The following KIAA1217 variants were observed in gnomAD, a reference collection of about 807,000 sequenced individuals.
The protein encoded by KIAA1217 is KIAA1217, also known as sickle tail protein homolog.
In KIAA1217, 88 loss-of-function variants were observed where a neutral mutation model predicts 163.9. That is an observed-to-expected ratio of 0.54 (90% CI 0.45 to 0.64). KIAA1217 has a LOEUF of 0.64. KIAA1217 is among the 30% of genes least tolerant of loss of function. KIAA1217 has a pLI of 0.00. For missense variants in KIAA1217, 2,372 were observed against 2,475.0 expected, an observed-to-expected ratio of 0.96 and a Z score of 0.88; for synonymous variants, 903 against 923.1, an observed-to-expected ratio of 0.98 and a Z score of 0.39.
At chr10:24,524,826 T>TA in intron 13 of KIAA1217, 62 bp downstream of exon 13, 1 of 1,362,968 alleles carries the variant, frequency 7.3e-7, no homozygotes, top group Non-Finnish European at 1.0e-6. Flanking sequence ...GACCTTTCCC[T>TA]TAAAGCATTT....
At chr10:24,234,651 T>C (rs1158907318) in intron 2 of KIAA1217, among the ~76,000 whole-genome samples, 1 of 114,644 alleles carries the variant, frequency 8.7e-6, no homozygotes, top group Non-Finnish European at 1.8e-5. Context: ...AGAGCAAAAC[T>C]GTCTCAAAAA....
intron 2 of KIAA1217, among the ~76,000 whole-genome samples, chr10:24,366,475 C>G (rs1244434697): frequency 1.3e-5 from 2 of 152,006 alleles, no homozygotes; most frequent in African/African-American, 4.8e-5. Flanking sequence ...AAAATAAAGT[C>G]AGTGGCATCA....
intron 9 of KIAA1217, among the ~76,000 whole-genome samples, chr10:24,509,839 T>C (rs548057173): frequency 2.6e-5 from 4 of 152,328 alleles, no homozygotes; most frequent in East Asian, 1.9e-4. Flanking sequence ...GAAAATGTTA[T>C]TAAGAAAATC....
At chr10:24,538,786 T>G (rs10828667) in intron 17 of KIAA1217, among the ~76,000 whole-genome samples, 87,829 of 142,998 alleles carry the variant, frequency 0.61, 27,618 homozygotes, top group Middle Eastern at 0.69. Flanking sequence ...CCAGGCTGGA[T>G]TGCTGTGACG....
chr10:23,926,277 T>A (rs913095788), intron 1 of KIAA1217, among the ~76,000 whole-genome samples: 4 of 152,226 alleles, frequency 2.6e-5, no homozygotes, highest in Admixed American at 2.6e-4. Context: ...TTTCTCTGCA[T>A]ACAAAAGGAG....
chr10:23,748,560 A>C (rs979583418), intron 1 of KIAA1217, among the ~76,000 whole-genome samples: 1 of 27,424 alleles, frequency 3.6e-5, no homozygotes. Context: ...AGGGGAGAGG[A>C]GGGGGAGGGG....
intron 2 of KIAA1217, among the ~76,000 whole-genome samples, chr10:24,298,775 G>A (rs2040934413): frequency 6.6e-6 from 1 of 152,082 alleles, no homozygotes; most frequent in Non-Finnish European, 1.5e-5. Flanking sequence ...TCCAGCCTGG[G>A]CGACAGAGGA....
At chr10:24,475,291 C>T (rs2063889614) in intron 6 of KIAA1217, among the ~76,000 whole-genome samples, 1 of 152,168 alleles carries the variant, frequency 6.6e-6, no homozygotes, top group Non-Finnish European at 1.5e-5. Flanking sequence ...CTGCTTCTCA[C>T]TAAAAAATGT....
intron 3 of KIAA1217, among the ~76,000 whole-genome samples, chr10:24,396,900 T>C (rs73604473): frequency 0.013 from 1,945 of 152,254 alleles, 51 homozygotes; most frequent in African/African-American, 0.045. Context: ...CTATTCTGGC[T>C]ACTGGGTTTG....
Position 24,209,213 on chromosome 10 carries a change from A to G in KIAA1217, c.20A>G (p.Gln7Arg). 1.2e-6 allele frequency: 2 copies of G among 1,614,014 alleles called. No individual in the cohort carries two copies. Among genetic ancestry groups the G allele is most frequent in the Non-Finnish European group, 1.7e-6 (2 of 1,179,966 alleles). Residue 7 changes from glutamine (Q) to arginine (R), a missense_variant, in exon 1 of 21, where the codon CAG becomes CGG. By Grantham distance (43) the Gln-to-Arg change is conservative (BLOSUM62 1). Transcript: ENST00000376454. Reference sequence around the variant, plus strand: ...GAGACAATGGAAGAAAATGAAAGCCAGAAATGTGAGCCGTGCCTTCCTTAC... The same window carrying G: ...GAGACAATGGAAGAAAATGAAAGCCGGAAATGTGAGCCGTGCCTTCCTTAC... MEENES[Q>R]KCEPCLPYSA...
chr10:24,449,682 G>A, intron 5 of KIAA1217: 1 of 985,438 alleles, frequency 1.0e-6, no homozygotes, highest in Non-Finnish European at 1.2e-6. Context: ...AAAGCTGAAA[G>A]CATTGGAGAG....
chr10:23,711,249 A>G (rs1588642681), intron 1 of KIAA1217, among the ~76,000 whole-genome samples: 2 of 152,320 alleles, frequency 1.3e-5, no homozygotes, highest in Middle Eastern at 6.8e-3. Flanking sequence ...TGGCTATTTT[A>G]CCTCCGAAAG....
intron 4 of KIAA1217, among the ~76,000 whole-genome samples, chr10:24,436,331 A>G (rs1374232616): frequency 6.6e-6 from 1 of 152,174 alleles, no homozygotes; most frequent in Admixed American, 6.5e-5. Context: ...GATGACAGTA[A>G]TGTTTATGCT....
At chr10:24,110,861 A>G (rs967619189) in intron 2 of KIAA1217, among the ~76,000 whole-genome samples, 1 of 152,246 alleles carries the variant, frequency 6.6e-6, no homozygotes, top group African/African-American at 2.4e-5. Context: ...CAAAGTGCAT[A>G]TTAAAACTGA....
chr10:23,832,567 T>C (rs1838261711), intron 1 of KIAA1217, among the ~76,000 whole-genome samples: 1 of 152,194 alleles, frequency 6.6e-6, no homozygotes, highest in African/African-American at 2.4e-5. Flanking sequence ...TTGGTTTCCC[T>C]GGCAGCCACC....
chr10:24,041,943 C>CGT (rs147819815), intron 2 of KIAA1217, among the ~76,000 whole-genome samples: 14,425 of 149,426 alleles, frequency 0.097, 1,006 homozygotes, highest in African/African-American at 0.2. Flanking sequence ...AAGGGAGTAT[C>CGT]GTGTGTGTGT....
At chr10:24,148,260 T>G (rs1406296776) in intron 2 of KIAA1217, among the ~76,000 whole-genome samples, 1 of 152,182 alleles carries the variant, frequency 6.6e-6, no homozygotes, top group East Asian at 1.9e-4. Flanking sequence ...TATAGAACAC[T>G]TATGTAGTAT....
chr10:24,527,856 C>T lies in KIAA1217; in HGVS notation c.2899-80C>T, dbSNP rs1255236744. The T allele has an allele frequency of 2.7e-6, 3 of 1,097,582 alleles. No homozygotes were observed. In the East Asian group the frequency reaches 7.1e-5, roughly 26 times the overall value. 68.0% of individuals were successfully genotyped at this position (1,097,582 alleles called of 1,614,324 possible). On this transcript the variant is annotated intron_variant, in intron 13 of 20. Transcript: ENST00000376454. Reference sequence around the variant, plus strand: ...CTGATCCTCTCCTTCCTCCCACCCTCCACCCTCTGAGAGGTCCCAGTGTCC... The same window carrying T: ...CTGATCCTCTCCTTCCTCCCACCCTTCACCCTCTGAGAGGTCCCAGTGTCC...
intron 1 of KIAA1217, among the ~76,000 whole-genome samples, chr10:23,993,645 T>A (rs1345891038): frequency 6.9e-6 from 1 of 144,708 alleles, no homozygotes; most frequent in Non-Finnish European, 1.5e-5. Context: ...AACCTTCGCC[T>A]CCTGGGTTCA....
Sources: gnomAD v4.1 joint callset for allele counts (sites outside exome capture counted in the v4.1 genomes callset) on GRCh38, gnomAD v4.1.1 for gene constraint, MANE v1.5 for transcripts, NCBI Gene and HGNC (gene_info 2026-07-23, HGNC 2026-07-21) for gene names.